Variants in FREM2 observed in about 807,000 individuals in gnomAD.
The protein encoded by FREM2 is FRAS1-related extracellular matrix protein 2.
In FREM2, 119 loss-of-function variants were observed where a neutral mutation model predicts 219.9. The observed-to-expected ratio is 0.54, with a 90% CI of 0.47 to 0.63. The LOEUF is 0.63. Ranked by LOEUF, FREM2 falls within the 30% of genes least tolerant of loss-of-function variation. The pLI is 0.00. For missense variants in FREM2, 4,030 were observed against 3,993.6 expected (o/e 1.01, Z -0.25); for synonymous variants, 1,562 against 1,522.8 (o/e 1.03, Z -0.60).
chr13:38,688,452 T>G lies in FREM2; in HGVS notation c.1108T>G (p.Leu370Val). 6.2e-7 allele frequency: 1 copy of G among 1,614,172 alleles called. No homozygotes were observed. The change falls in exon 1 of 24, where the codon TTG becomes GTG. Residue 370 changes from leucine to valine, a missense_variant. This residue lies in a region of FREM2 where 3,102 missense variants were observed against 2,950.7 expected (regional missense o/e 1.05). Transcript: ENST00000280481. ...TCCATTCCAGCCTGGCCAGGGCTAC[T>G]TGGTGAGCACCGATGATCGCAGCCT... ...TSPFQPGQGYLVSTDDRSLPL... is the reference protein window; with the variant it reads ...TSPFQPGQGYVVSTDDRSLPL...
chr13:38,721,620 A>T (rs1382053377), intron 2 of FREM2, among the ~76,000 whole-genome samples: 1 of 152,168 alleles, frequency 6.6e-6, no homozygotes, highest in Non-Finnish European at 1.5e-5. Flanking sequence ...AATGAGTTTT[A>T]TGAGAAAGAG....
chr13:38,736,867 G>GT (rs5802956), intron 2 of FREM2, among the ~76,000 whole-genome samples: 50 of 150,402 alleles, frequency 3.3e-4, no homozygotes, highest in African/African-American at 1.0e-3. Flanking sequence ...CAAACCGTTT[G>GT]TTTTTTTTTT....
Position 38,691,872 on chromosome 13 carries a change from C to G in FREM2, c.4528C>G (p.Gln1510Glu), listed in dbSNP as rs772455077. ...DEVKMDSFEFQVTDGRNPVFR... is the reference protein window; with the variant it reads ...DEVKMDSFEFEVTDGRNPVFR... ...AGTGAAAATGGACAGTTTTGAGTTTCAAGTCACCGATGGACGTAACCCTGT... is the reference window on the plus strand; with the variant it reads ...AGTGAAAATGGACAGTTTTGAGTTTGAAGTCACCGATGGACGTAACCCTGT... The change falls in exon 1 of 24, where the codon CAA (glutamine) becomes GAA (glutamate). Residue 1510 changes from glutamine to glutamate, a missense_variant. Transcript: ENST00000280481. The G allele has an allele frequency of 6.2e-7, 1 of 1,614,014 alleles. No homozygotes were observed. Among genetic ancestry groups the G allele is most frequent in the Non-Finnish European group, 8.5e-7 (1 of 1,180,042 alleles).
chr13:38,841,810 T>C (rs1197889125), intron 6 of FREM2, among the ~76,000 whole-genome samples: 1 of 152,178 alleles, frequency 6.6e-6, no homozygotes, highest in African/African-American at 2.4e-5. Flanking sequence ...ACTTTGATGT[T>C]AATTCATTCT....
Position 38,881,113 on chromosome 13 carries a change from T to C in FREM2, c.*326T>C. ...AATCTATTAAAAGGTGCTAACAGACTCTCTTACAAGTGTAAGAGGAATCTA... is the reference window on the plus strand; with the variant it reads ...AATCTATTAAAAGGTGCTAACAGACCCTCTTACAAGTGTAAGAGGAATCTA... On this transcript the variant is annotated 3_prime_UTR_variant, in exon 24 of 24. Transcript: ENST00000280481. The C allele has an allele frequency of 2.5e-6, 1 of 394,914 alleles. No individual in the cohort carries two copies. The highest frequency in any genetic ancestry group is 2.3e-5 in the South Asian group (1 of 42,746). 24.5% of individuals were successfully genotyped at this position (394,914 alleles called of 1,614,324 possible).
At chr13:38,782,787 A>G (rs922369617) in intron 4 of FREM2, among the ~76,000 whole-genome samples, 2 of 152,226 alleles carry the variant, frequency 1.3e-5, no homozygotes, top group African/African-American at 2.4e-5. Context: ...AGATTTATAA[A>G]AACTGTGTCA....
chr13:38,876,493 TGAAAA>T lies in FREM2; in HGVS notation c.8544+121_8544+125del, dbSNP rs1029832241. ...GTGAATGACTTTAATTCTTGCATGCTGAAAAGAAAAGAAATCAGACAGTTAAGGAA... is the reference window on the plus strand; with the variant it reads ...GTGAATGACTTTAATTCTTGCATGCTGAAAAGAAATCAGACAGTTAAGGAA... On this transcript the variant is annotated intron_variant, in intron 20 of 23. Transcript: ENST00000280481. The T allele has an allele frequency of 1.0e-4, 93 of 922,972 alleles. No individual in the cohort carries two copies. The African/African-American group carries it at 1.4e-3, about 14-fold the overall frequency. The allele number at this position is 922,972 out of a possible 1,614,324, so 57.2% of individuals were successfully genotyped here.
At position 38,880,706 on chromosome 13, in the gene FREM2, G is replaced by A. The variant is rs41306662; in HGVS notation, c.9429G>A (p.Gly3143=). ...GCAGGGGCAAGGAAAGTTTCAGGGGGAAGGATGCCCCGAAAGGCTCCAGCA... is the reference window on the plus strand; with the variant it reads ...GCAGGGGCAAGGAAAGTTTCAGGGGAAAGGATGCCCCGAAAGGCTCCAGCA... The part of the protein sequence containing the change: ...LMCRGKESFR[G]KDAPKGSSSS... Residue 3143 remains glycine (G), a synonymous_variant, in exon 24 of 24, where the codon GGG becomes GGA. Transcript: ENST00000280481. 0.021 allele frequency: 34,130 copies of A among 1,614,172 alleles called. 480 individuals are homozygous for A. The highest frequency in any genetic ancestry group is 0.044 in the South Asian group (4,012 of 91,078).
chr13:38,854,366 T>G (rs1318467858), intron 11 of FREM2, among the ~76,000 whole-genome samples: 1 of 152,096 alleles, frequency 6.6e-6, no homozygotes, highest in Non-Finnish European at 1.5e-5. Flanking sequence ...AGATAAGCAA[T>G]GAAAACGAGT....
In FREM2 at chr13:38,688,531, A is replaced by G; in HGVS notation, c.1187A>G (p.Gln396Arg). The G allele has an allele frequency of 6.2e-7, 1 of 1,613,872 alleles. No individual in the cohort carries two copies. Among genetic ancestry groups the G allele is most frequent in the Non-Finnish European group, 8.5e-7 (1 of 1,179,924 alleles). ...CTGCGGCTCCTGAAGATTGCCTACC[A>G]GCCCCCTTCTGAAGACTCTGACCAG... ...RDLRLLKIAY[Q>R]PPSEDSDQER... Residue 396 changes from glutamine to arginine, a missense_variant, in exon 1 of 24, where the codon CAG becomes CGG. Coordinates refer to ENST00000280481, the MANE Select transcript of FREM2 (RefSeq NM_207361.6).
At chr13:38,789,459 C>G (rs1874467021) in intron 6 of FREM2, among the ~76,000 whole-genome samples, 1 of 150,954 alleles carries the variant, frequency 6.6e-6, no homozygotes, top group South Asian at 2.1e-4. Context: ...CTCTCTCTGT[C>G]TGTCTCTTTT....
Position 38,690,026 on chromosome 13 carries a change from C to G in FREM2, c.2682C>G (p.Asp894Glu), listed in dbSNP as rs1869745975. ...TAGGGGGTCTCTTCCACTTGGAGGA[C>G]ATAAAACAGGGCCGAGTTTCCTATG... The part of the protein sequence containing the change: ...LHVGGLFHLE[D>E]IKQGRVSYAH... Residue 894 changes from aspartate (D) to glutamate (E), a missense_variant, in exon 1 of 24, where the codon GAC (aspartate) becomes GAG (glutamate). Asp to Glu is a conservative substitution (Grantham distance 45). Coordinates refer to ENST00000280481, the MANE Select transcript of FREM2 (RefSeq NM_207361.6). 2 of 1,613,824 alleles carry G rather than the reference C, an allele frequency of 1.2e-6. No homozygotes were observed. Among genetic ancestry groups the G allele is most frequent in the African/African-American group, 2.7e-5 (2 of 74,916 alleles).
chr13:38,854,797 G>T (rs1047053275), intron 11 of FREM2, among the ~76,000 whole-genome samples: 1 of 152,076 alleles, frequency 6.6e-6, no homozygotes, highest in Non-Finnish European at 1.5e-5. Context: ...ATTGCTCCTC[G>T]TACCTGATAA....
At chr13:38,756,963 A>G (rs544848341) in intron 2 of FREM2, among the ~76,000 whole-genome samples, 2 of 152,198 alleles carry the variant, frequency 1.3e-5, no homozygotes, top group Non-Finnish European at 2.9e-5. Flanking sequence ...GAAACAAAGC[A>G]CAGAGTGTCA....
At chr13:38,712,288 CA>C (rs1870807850) in intron 2 of FREM2, among the ~76,000 whole-genome samples, 1 of 152,142 alleles carries the variant, frequency 6.6e-6, no homozygotes, top group Admixed American at 6.5e-5. Flanking sequence ...ATACTCTAGA[CA>C]AATATGATTC....
intron 20 of FREM2, among the ~76,000 whole-genome samples, chr13:38,876,588 C>T (rs1878349988): frequency 6.6e-6 from 1 of 152,116 alleles, no homozygotes; most frequent in Non-Finnish European, 1.5e-5. Context: ...ATGTAAAATT[C>T]AGAGTTTAAA....
Position 38,848,572 on chromosome 13 carries a change from G to A in FREM2, c.6281G>A (p.Gly2094Glu), listed in dbSNP as rs1338118926. 1 of 1,614,054 alleles carries A rather than the reference G, an allele frequency of 6.2e-7. No homozygotes were observed. The highest frequency in any genetic ancestry group is 8.5e-7 in the Non-Finnish European group (1 of 1,179,972). Residue 2094 changes from glycine (G) to glutamate (E), a missense_variant, in exon 8 of 24, where the codon GGA becomes GAA. Around this residue, in one of 2 missense-constraint regions of FREM2, gnomAD observed 3,102 missense variants for 2,950.7 expected, o/e 1.05. Transcript: ENST00000280481. The stretch of plus-strand genomic sequence containing the variant: ...GACCTTGGACAACCAGCGCTGGAGG[G>A]AATTGAGAAATTTGAACTGGTGCTT... The part of the protein sequence containing the change: ...LDDLGQPALE[G>E]IEKFELVLRM...
chr13:38,704,987 G>A (rs1197636176), intron 2 of FREM2, among the ~76,000 whole-genome samples: 3 of 152,084 alleles, frequency 2.0e-5, no homozygotes, highest in African/African-American at 4.8e-5. Flanking sequence ...TTTCTCCCTC[G>A]ACACATGGGA....
chr13:38,791,899 T>C (rs781613469), intron 6 of FREM2, among the ~76,000 whole-genome samples: 1 of 152,232 alleles, frequency 6.6e-6, no homozygotes, highest in African/African-American at 2.4e-5. Flanking sequence ...GCCAGTAGTA[T>C]ATTTCCTCCC....
Sources: gnomAD v4.1 joint callset for allele counts (sites outside exome capture counted in the v4.1 genomes callset) on GRCh38, gnomAD v4.1.1 for gene constraint, gnomAD v4.1.1 regional missense constraint, MANE v1.5 for transcripts, NCBI Gene and HGNC (gene_info 2026-07-23, HGNC 2026-07-21) for gene names.